Variants in USP35 observed in about 807,000 individuals in gnomAD.
USP35 encodes ubiquitin carboxyl-terminal hydrolase 35.
A neutral mutation model predicts 83.8 loss-of-function variants in USP35; 69 were observed. The ratio of observed to expected loss-of-function variants is 0.82; its 90% CI spans 0.68 to 1.01. The LOEUF is 1.01. Among genes scored for constraint, USP35 ranks in the 50% least tolerant of loss-of-function variants. The pLI, the probability that USP35 is intolerant of heterozygous loss-of-function variation, is 0.00. For synonymous variants in USP35, 714 were observed against 589.5 expected (o/e 1.21, Z -3.06); for missense variants, 1,503 against 1,362.5 (o/e 1.10, Z -1.62).
chr11:78,211,912 T>C (rs1360295314), intron 10 of USP35, among the ~76,000 whole-genome samples: 1 of 152,246 alleles, frequency 6.6e-6, no homozygotes, highest in Non-Finnish European at 1.5e-5. Context: ...CTGATGATAG[T>C]TCCTTGTACT....
At chr11:78,219,414 G>C, downstream of USP35, 1 of 1,613,842 alleles carries the variant, frequency 6.2e-7, no homozygotes. Flanking sequence ...TGAAGTAGAT[G>C]GCTGAGGGGA....
chr11:78,205,807 C>T, intron 6 of USP35, 35 bp from the exon 7 acceptor site: 1 of 1,580,760 alleles, frequency 6.3e-7, no homozygotes, highest in Non-Finnish European at 8.6e-7. Context: ...ACCCTGGTGC[C>T]CACCATCCTG....
downstream of USP35, chr11:78,216,489 C>G (rs1864153303): frequency 6.6e-6 from 1 of 152,132 alleles, no homozygotes; most frequent in African/African-American, 2.4e-5. Flanking sequence ...GGCCTGTGAG[C>G]CAGAGCTTTG....
intron 6 of USP35, among the ~76,000 whole-genome samples, chr11:78,203,887 C>CTTT (rs200697593): frequency 0.021 from 2,559 of 124,136 alleles, 142 homozygotes; most frequent in South Asian, 0.04. Context: ...CCATATTTTT[C>CTTT]TTTTCTTTTT....
chr11:78,204,718 A>G (rs184001140), intron 6 of USP35, among the ~76,000 whole-genome samples: 3 of 152,352 alleles, frequency 2.0e-5, no homozygotes, highest in South Asian at 4.1e-4. Context: ...CGAAGAAGAT[A>G]CTGAGCCTGT....
chr11:78,206,113 C>G (rs866085110), intron 7 of USP35, 78 bp downstream of exon 7: 1,059 of 1,064,658 alleles, frequency 9.9e-4, no homozygotes, highest in Middle Eastern at 1.6e-3. Flanking sequence ...GAAAGGTGTC[C>G]GGGGTGGGGG....
intron 6 of USP35, 21 bp from the exon 7 acceptor site, chr11:78,205,821 G>A: frequency 1.3e-6 from 2 of 1,593,676 alleles, no homozygotes. Context: ...CATCCTGCCT[G>A]CCTGCTTATT....
At chr11:78,220,028 A>T (rs752704551), downstream of USP35, among the ~76,000 whole-genome samples, 1 of 152,138 alleles carries the variant, frequency 6.6e-6, no homozygotes, top group Non-Finnish European at 1.5e-5. Flanking sequence ...TTCACTTTGT[A>T]ACCTTAGGAC....
intron 8 of USP35, 123 bp downstream of exon 8, chr11:78,207,746 G>C: frequency 9.8e-7 from 1 of 1,024,550 alleles, no homozygotes; most frequent in Non-Finnish European, 1.4e-6. Flanking sequence ...CAGTTGCTGA[G>C]CCCCTGGCCG....
the USP35 span, among the ~76,000 whole-genome samples, chr11:78,224,826 T>C: frequency 6.6e-6 from 1 of 152,140 alleles, no homozygotes; most frequent in Non-Finnish European, 1.5e-5. Context: ...TCCCCCACCG[T>C]GCAGCCTGGG....
rs936974368 is a variant in USP35, at chr11:78,198,153, TGGGCTAGATTTGGAGTCAGA to T, written c.806+90_806+109del. 9 of 1,582,062 alleles carry T rather than the reference TGGGCTAGATTTGGAGTCAGA, an allele frequency of 5.7e-6. No individual in the cohort carries two copies. The African/African-American group carries it at 1.2e-4, about 21-fold the overall frequency. On this transcript the variant is annotated intron_variant, in intron 3 of 10. Coordinates refer to ENST00000529308, the MANE Select transcript of USP35 (RefSeq NM_020798.4). ...AAGCCCCTTCTCCTGGGTGGGCCGC[TGGGCTAGATTTGGAGTCAGA>T]GGGCCCAGGCCCTCATGTGTGTTCC...
At chr11:78,209,021 C>T (rs1296139568) in intron 9 of USP35, 58 bp downstream of exon 9, 158 of 1,538,956 alleles carry the variant, frequency 1.0e-4, no homozygotes, top group Non-Finnish European at 1.4e-4. Context: ...GGGGGCAAGC[C>T]CAGTACCTCT....
At chr11:78,199,803 C>A in intron 4 of USP35, 79 bp downstream of exon 4, 2 of 1,602,470 alleles carry the variant, frequency 1.2e-6, no homozygotes, top group South Asian at 1.1e-5. Context: ...TCTGGGAGGT[C>A]AGAGCATTGG....
At chr11:78,206,059 T>C (rs1241963880) in intron 7 of USP35, 24 bp downstream of exon 7, 1 of 1,554,302 alleles carries the variant, frequency 6.4e-7, no homozygotes, top group Non-Finnish European at 8.8e-7. Context: ...TGGAATTCCC[T>C]GTCTGCCCTT....
the USP35 span, among the ~76,000 whole-genome samples, chr11:78,225,634 C>T: frequency 1.3e-5 from 2 of 152,200 alleles, no homozygotes; most frequent in South Asian, 2.1e-4. Context: ...AGTTCCAAAA[C>T]GGAGTATGAC....
the USP35 span, among the ~76,000 whole-genome samples, chr11:78,221,201 A>G: frequency 1.3e-5 from 2 of 152,184 alleles, no homozygotes; most frequent in Non-Finnish European, 1.5e-5. Flanking sequence ...TTCTTTCACT[A>G]TCTATGCAGT....
At chr11:78,211,369 T>TTG (rs1307652268) in intron 10 of USP35, among the ~76,000 whole-genome samples, 1 of 152,196 alleles carries the variant, frequency 6.6e-6, no homozygotes, top group African/African-American at 2.4e-5. Flanking sequence ...GGCATTTGGG[T>TTG]TGATTCCATG....
intron 8 of USP35, among the ~76,000 whole-genome samples, chr11:78,208,652 A>G (rs150525796): frequency 1.0e-3 from 157 of 152,312 alleles, no homozygotes; most frequent in African/African-American, 3.7e-3. Flanking sequence ...CTCTGAGCCC[A>G]ATGCCCTGCT....
chr11:78,213,752 C>G lies in USP35; in HGVS notation c.2996C>G (p.Ser999Cys). The change falls in exon 11 of 11, where the codon TCT becomes TGT. Residue 999 changes from serine to cysteine, a missense_variant. Transcript: ENST00000529308. Reference sequence around the variant, plus strand: ...GAAGACAAGGATGAGGATGAAGGCTCTCCAGGGGGCTGCAATCCTGCAGGT... The same window carrying G: ...GAAGACAAGGATGAGGATGAAGGCTGTCCAGGGGGCTGCAATCCTGCAGGT... ...FDEDKDEDEGSPGGCNPAGGN... is the reference protein window; with the variant it reads ...FDEDKDEDEGCPGGCNPAGGN... 1 of 1,543,642 alleles carries G rather than the reference C, an allele frequency of 6.5e-7. No individual in the cohort carries two copies. The highest frequency in any genetic ancestry group is 8.7e-7 in the Non-Finnish European group (1 of 1,154,214).
Sources: gnomAD v4.1 joint callset for allele counts (sites outside exome capture counted in the v4.1 genomes callset) on GRCh38, gnomAD v4.1.1 for gene constraint, MANE v1.5 for transcripts, NCBI Gene and HGNC (gene_info 2026-07-23, HGNC 2026-07-21) for gene names.